Variants in NAA15 observed in about 807,000 individuals in gnomAD.
NAA15 encodes N-terminal acetyltransferase.
A neutral mutation model predicts 114.0 loss-of-function variants in NAA15; 34 were observed. The ratio of observed to expected loss-of-function variants is 0.30; its 90% CI spans 0.23 to 0.40. The LOEUF is 0.40. Ranked by LOEUF, NAA15 falls within the 10% of genes least tolerant of loss-of-function variation. The probability of loss-of-function intolerance (pLI) is 1.00; values close to 1 mark genes in which losing one functional copy is unlikely to be tolerated. For synonymous variants in NAA15, 340 were observed against 338.0 expected, an observed-to-expected ratio of 1.01 and a Z score of -0.06; for missense variants, 658 against 1,004.5, an observed-to-expected ratio of 0.66 and a Z score of 4.66.
intron 4 of NAA15, among the ~76,000 whole-genome samples, chr4:139,342,063 C>G (rs919740449): frequency 4.6e-5 from 7 of 152,162 alleles, no homozygotes; most frequent in African/African-American, 1.2e-4. Flanking sequence ...TCCACTGACT[C>G]TAATATATTT....
chr4:139,336,909 A>G lies in NAA15; in HGVS notation c.201A>G (p.Glu67=). The change falls in exon 3 of 20, where the codon GAA becomes GAG. Residue 67 remains glutamate, a synonymous_variant. Transcript: ENST00000296543. ...NCLGKKEEAY[E]LVRRGLRNDL... ...TGGGGAAAAAGGAAGAAGCTTATGA[A>G]TTGGTTCGTAGAGGTTTGAGAAATG... is the stretch of plus-strand genomic sequence containing the variant. 2.5e-6 allele frequency: 4 copies of G among 1,604,664 alleles called. No homozygotes were observed. Among genetic ancestry groups the G allele is most frequent in the Non-Finnish European group, 3.4e-6 (4 of 1,175,250 alleles).
intron 1 of NAA15, among the ~76,000 whole-genome samples, chr4:139,332,789 C>G (rs1026202298): frequency 1.3e-5 from 2 of 151,822 alleles, no homozygotes; most frequent in African/African-American, 4.8e-5. Flanking sequence ...ACCATGTTGG[C>G]CAGGCTGGTC....
intron 17 of NAA15, among the ~76,000 whole-genome samples, chr4:139,381,080 G>A (rs1271181754): frequency 6.6e-6 from 1 of 152,118 alleles, no homozygotes; most frequent in Non-Finnish European, 1.5e-5. Context: ...GCTTTGCTGA[G>A]TGAATATGGA....
chr4:139,334,737 T>G (rs74971404), intron 2 of NAA15, among the ~76,000 whole-genome samples: 2,964 of 152,202 alleles, frequency 0.019, 101 homozygotes, highest in African/African-American at 0.068. Context: ...GATGGTGAGA[T>G]ATTTGTAGAG....
intron 17 of NAA15, among the ~76,000 whole-genome samples, chr4:139,382,124 T>C (rs1032853970): frequency 3.3e-5 from 5 of 152,156 alleles, no homozygotes; most frequent in South Asian, 4.1e-4. Context: ...ATGATGTTGC[T>C]CCTTTTCTTA....
intron 6 of NAA15, among the ~76,000 whole-genome samples, chr4:139,347,256 A>G (rs1488088783): frequency 1.3e-5 from 2 of 152,116 alleles, no homozygotes; most frequent in African/African-American, 2.4e-5. Flanking sequence ...CAACACCCTT[A>G]CTGAGACAAG....
chr4:139,386,504 G>A, intron 19 of NAA15: 1 of 249,242 alleles, frequency 4.0e-6, no homozygotes, highest in Non-Finnish European at 7.8e-6. Flanking sequence ...TTCTGAGCAA[G>A]CAGTGGTCTC....
At chr4:139,333,998 T>G (rs1747116748) in intron 1 of NAA15, among the ~76,000 whole-genome samples, 176 bp from the exon 2 acceptor site, 1 of 152,252 alleles carries the variant, frequency 6.6e-6, no homozygotes, top group African/African-American at 2.4e-5. Flanking sequence ...TTTGTTCCTT[T>G]GTCTTTTACT....
chr4:139,330,357 A>G (rs1221486352), intron 1 of NAA15, among the ~76,000 whole-genome samples: 4 of 152,194 alleles, frequency 2.6e-5, no homozygotes, highest in Admixed American at 1.3e-4. Flanking sequence ...TAGTCTTACT[A>G]TGTTTCTTTG....
At chr4:139,312,206 T>C (rs190417564) in intron 1 of NAA15, among the ~76,000 whole-genome samples, 19 of 152,068 alleles carry the variant, frequency 1.2e-4, no homozygotes, top group African/African-American at 4.1e-4. Context: ...TGAGAAATAG[T>C]TCTGAAAAGA....
At chr4:139,320,741 G>A (rs975091745) in intron 1 of NAA15, among the ~76,000 whole-genome samples, 1 of 152,206 alleles carries the variant, frequency 6.6e-6, no homozygotes, top group South Asian at 2.1e-4. Flanking sequence ...GGCTGGTCTC[G>A]AACTCCTGAC....
At chr4:139,303,789 C>A (rs753267833) in intron 1 of NAA15, among the ~76,000 whole-genome samples, 1 of 152,182 alleles carries the variant, frequency 6.6e-6, no homozygotes, top group Admixed American at 6.5e-5. Flanking sequence ...AAACAAAAAA[C>A]TTCATCTCTA....
chr4:139,313,706 G>T (rs899502984), intron 1 of NAA15, among the ~76,000 whole-genome samples: 2 of 151,468 alleles, frequency 1.3e-5, no homozygotes, highest in Non-Finnish European at 2.9e-5. Context: ...CTCCATGCCC[G>T]GCTAATTTTG....
chr4:139,303,754 A>G (rs1745896696), intron 1 of NAA15, among the ~76,000 whole-genome samples: 1 of 152,220 alleles, frequency 6.6e-6, no homozygotes, highest in Non-Finnish European at 1.5e-5. Context: ...AGCCTTGGCA[A>G]CAGAGGAAGA....
intron 4 of NAA15, 111 bp downstream of exon 4, chr4:139,341,180 A>C: frequency 1.3e-6 from 1 of 786,992 alleles, no homozygotes; most frequent in Non-Finnish European, 1.8e-6. Flanking sequence ...ATTTAATTGA[A>C]TTTTTTTTTC....
At position 139,388,087 on chromosome 4, in the gene NAA15, A is replaced by G; in HGVS notation, c.*3A>G. ...AAGAACTGGCCAATGAAATTTGAACATCACTAAACAAGCAAATGGAATGAC... is the reference window on the plus strand; with the variant it reads ...AAGAACTGGCCAATGAAATTTGAACGTCACTAAACAAGCAAATGGAATGAC... On this transcript the variant is annotated 3_prime_UTR_variant, in exon 20 of 20. Coordinates refer to ENST00000296543, the MANE Select transcript of NAA15 (RefSeq NM_057175.5). 19 of 1,612,620 alleles carry G rather than the reference A, an allele frequency of 1.2e-5. No individual in the cohort carries two copies. Among genetic ancestry groups the G allele is most frequent in the Non-Finnish European group, 1.5e-5 (18 of 1,178,986 alleles).
chr4:139,369,746 A>C (rs2110976251), intron 14 of NAA15, among the ~76,000 whole-genome samples: 1 of 152,084 alleles, frequency 6.6e-6, no homozygotes, highest in South Asian at 2.1e-4. Context: ...TCAAAAAAAA[A>C]AAAAAAAAAA....
intron 1 of NAA15, among the ~76,000 whole-genome samples, chr4:139,327,154 C>T (rs1235155726): frequency 6.6e-6 from 1 of 152,148 alleles, no homozygotes; most frequent in Non-Finnish European, 1.5e-5. Flanking sequence ...GCAGGCTGGT[C>T]TTGAACTCCT....
At chr4:139,375,028 C>T (rs1419058804) in intron 15 of NAA15, among the ~76,000 whole-genome samples, 1 of 152,086 alleles carries the variant, frequency 6.6e-6, no homozygotes, top group Non-Finnish European at 1.5e-5. Context: ...ACCCTCATTT[C>T]AGTCTGTACC....
Sources: allele counts gnomAD v4.1 joint callset (sites outside exome capture counted in the v4.1 genomes callset), GRCh38; gene constraint gnomAD v4.1.1; transcripts MANE v1.5; gene names NCBI Gene and HGNC (gene_info 2026-07-23, HGNC 2026-07-21).